Variants in LNX1 observed in about 807,000 individuals in gnomAD.
The protein encoded by LNX1 is ligand of numb-protein X 1.
In LNX1, 54 loss-of-function variants were observed where a neutral mutation model predicts 68.4. The observed-to-expected ratio is 0.79, with a 90% CI of 0.63 to 0.99. The LOEUF (loss-of-function observed/expected upper bound fraction) is 0.99, where lower values mean the gene tolerates loss of function less well. Ranked by LOEUF, LNX1 falls within the 50% of genes least tolerant of loss-of-function variation. The pLI, the probability that LNX1 is intolerant of heterozygous loss-of-function variation, is 0.00. For synonymous variants in LNX1, 336 were observed against 350.0 expected (o/e 0.96, Z 0.45); for missense variants, 906 against 926.4 (o/e 0.98, Z 0.29).
intron 2 of LNX1, among the ~76,000 whole-genome samples, chr4:53,522,442 G>A (rs1577656267): frequency 6.6e-6 from 1 of 152,204 alleles, no homozygotes; most frequent in South Asian, 2.1e-4. Context: ...ATCCAACACA[G>A]AAATAAAGCA....
At chr4:53,462,643 A>G (rs948181082) in intron 9 of LNX1, among the ~76,000 whole-genome samples, 1 of 152,116 alleles carries the variant, frequency 6.6e-6, no homozygotes, top group Admixed American at 6.6e-5. Context: ...GACTTTTTTC[A>G]TGATGATGTT....
At chr4:53,582,518 G>A (rs1435300453) in intron 1 of LNX1, among the ~76,000 whole-genome samples, 1 of 152,164 alleles carries the variant, frequency 6.6e-6, no homozygotes, top group Non-Finnish European at 1.5e-5. Flanking sequence ...TTTACAAACA[G>A]TGTGAGGCTC....
chr4:53,459,443 A>C lies in LNX1; in HGVS notation c.*1464T>G. On this transcript the variant is annotated 3_prime_UTR_variant, in exon 11 of 11. Transcript: ENST00000263925. ...AGGAGAGCACCGAAGCTACACCTGC[A>C]GAATAGGCATGGTTTTGGCCTTTTG... is the stretch of plus-strand genomic sequence containing the variant. The C allele has an allele frequency of 6.2e-7, 1 of 1,613,668 alleles. No individual in the cohort carries two copies. The highest frequency in any genetic ancestry group is 8.5e-7 in the Non-Finnish European group (1 of 1,179,630).
chr4:53,534,896 CTTG>C (rs76667930), intron 2 of LNX1, among the ~76,000 whole-genome samples: 13,505 of 152,230 alleles, frequency 0.089, 575 homozygotes, highest in Non-Finnish European at 0.099. Context: ...TCTTAACAGC[CTTG>C]TTGTAAAAAT....
chr4:53,628,586 A>G (rs1027060999), intron 1 of LNX1, among the ~76,000 whole-genome samples: 2 of 152,172 alleles, frequency 1.3e-5, no homozygotes, highest in African/African-American at 4.8e-5. Flanking sequence ...AAATAACAAA[A>G]AGTAGATCTA....
At chr4:53,466,486 C>A (rs1376206831) in intron 9 of LNX1, among the ~76,000 whole-genome samples, 3 of 152,094 alleles carry the variant, frequency 2.0e-5, no homozygotes, top group Non-Finnish European at 4.4e-5. Flanking sequence ...GAGTGCCAGA[C>A]GGTGCAGGAC....
At chr4:53,527,443 C>T (rs1419389520) in intron 2 of LNX1, among the ~76,000 whole-genome samples, 6 of 152,134 alleles carry the variant, frequency 3.9e-5, no homozygotes, top group Admixed American at 3.9e-4. Flanking sequence ...CCCCCACACC[C>T]ATAATTAGTC....
intron 1 of LNX1, among the ~76,000 whole-genome samples, chr4:53,575,330 T>G (rs539066134): frequency 5.3e-5 from 8 of 152,342 alleles, no homozygotes; most frequent in Non-Finnish European, 1.2e-4. Context: ...CATATTTTCC[T>G]TTAACATAGA....
chr4:53,648,616 A>T (rs1282307805), intron 1 of LNX1, among the ~76,000 whole-genome samples: 2 of 152,072 alleles, frequency 1.3e-5, no homozygotes, highest in Non-Finnish European at 2.9e-5. Flanking sequence ...TTGATATATC[A>T]TTGGCATTTC....
intron 2 of LNX1, among the ~76,000 whole-genome samples, chr4:53,527,531 C>T (rs1370893101): frequency 6.6e-6 from 1 of 152,170 alleles, no homozygotes; most frequent in Non-Finnish European, 1.5e-5. Flanking sequence ...CTCCTTGGCT[C>T]CACTGGTTCT....
intron 1 of LNX1, among the ~76,000 whole-genome samples, chr4:53,646,532 T>C (rs767813065): frequency 6.6e-6 from 1 of 152,228 alleles, no homozygotes; most frequent in Non-Finnish European, 1.5e-5. Context: ...TGGCACAGAA[T>C]TGTCACCCAA....
intron 2 of LNX1, among the ~76,000 whole-genome samples, chr4:53,558,437 T>C (rs1413216861): frequency 6.6e-6 from 1 of 152,196 alleles, no homozygotes; most frequent in African/African-American, 2.4e-5. Flanking sequence ...AGCGACACTG[T>C]AAGAAATTCC....
Position 53,459,903 on chromosome 4 carries a change from A to G in LNX1, c.*1004T>C, listed in dbSNP as rs551742055. 8.9e-6 allele frequency: 2 copies of G among 224,316 alleles called. No individual in the cohort carries two copies. The highest frequency in any genetic ancestry group is 1.1e-4 in the Admixed American group (2 of 17,734). The allele number at this position is 224,316 out of a possible 1,614,324, so 13.9% of individuals were successfully genotyped here. ...CATTACTGCTGTGACACTCTTGCTT[A>G]GTATATTAAGAGACTCATACATTTT... On this transcript the variant is annotated 3_prime_UTR_variant, in exon 11 of 11. Transcript: ENST00000263925.
intron 4 of LNX1, chr4:53,500,070 AGAAGG>A (rs1339898842): frequency 2.2e-4 from 34 of 152,178 alleles, no homozygotes; most frequent in African/African-American, 8.0e-4. Context: ...TAAGGCTGAG[AGAAGG>A]GGAGTGAAGT....
Position 53,488,440 on chromosome 4 carries a change from T to C in LNX1, c.1351-6586A>G, listed in dbSNP as rs367707408. Among the ~76,000 whole-genome samples, 5 of 152,328 alleles carry C rather than the reference T, an allele frequency of 3.3e-5. No homozygotes were observed. The East Asian group carries it at 7.7e-4, about 23-fold the overall frequency. ...ACATTAAATATCTTTTCAAGTCATC[T>C]AAAAAATGTAATAAGTTCTGGACTC... On this transcript the variant is annotated intron_variant, in intron 6 of 10. Coordinates refer to ENST00000263925, the MANE Select transcript of LNX1 (RefSeq NM_001126328.3).
chr4:53,649,466 C>T (rs77287932), intron 1 of LNX1, among the ~76,000 whole-genome samples: 17,391 of 152,196 alleles, frequency 0.11, 1,162 homozygotes, highest in Non-Finnish European at 0.16. Context: ...ATTTGAACTC[C>T]GGAAGTCTGG....
intron 6 of LNX1, among the ~76,000 whole-genome samples, chr4:53,482,533 G>GAATGAAA (rs1211466128): frequency 1.6e-4 from 25 of 152,170 alleles, no homozygotes; most frequent in African/African-American, 5.1e-4. Context: ...CCACAAAAAA[G>GAATGAAA]AATGAAAAAA....
intron 2 of LNX1, among the ~76,000 whole-genome samples, chr4:53,614,005 C>T (rs539467999): frequency 2.0e-5 from 3 of 152,172 alleles, no homozygotes; most frequent in East Asian, 3.9e-4. Flanking sequence ...TGATAATAGC[C>T]GTTCTGACTG....
chr4:53,632,777 C>T (rs1384506484), intron 1 of LNX1, among the ~76,000 whole-genome samples: 1 of 152,204 alleles, frequency 6.6e-6, no homozygotes, highest in Non-Finnish European at 1.5e-5. Context: ...AAAGAGGCCT[C>T]TATGGACAAC....
Sources: gnomAD v4.1 joint callset for allele counts (sites outside exome capture counted in the v4.1 genomes callset) on GRCh38, gnomAD v4.1.1 for gene constraint, MANE v1.5 for transcripts, NCBI Gene and HGNC (gene_info 2026-07-23, HGNC 2026-07-21) for gene names.